BANF2: variants seen among roughly 807,000 people sequenced by gnomAD.
BANF2 encodes BANF family member 2.
Under a neutral mutation model 8.0 loss-of-function variants are expected in BANF2, and 4 were observed. The ratio of observed to expected loss-of-function variants is 0.50; its 90% CI spans 0.25 to 1.14. The LOEUF (loss-of-function observed/expected upper bound fraction) is 1.14, where lower values mean the gene tolerates loss of function less well. BANF2 is among the 50% of genes most tolerant of loss of function. BANF2 has a pLI of 0.16. For synonymous variants in BANF2, 50 were observed against 40.6 expected (o/e 1.23, Z -0.88); for missense variants, 96 against 107.5 (o/e 0.89, Z 0.47).
At chr20:17,732,395 C>T (rs2037911582) in intron 3 of BANF2, among the ~76,000 whole-genome samples, 1 of 152,236 alleles carries the variant, frequency 6.6e-6, no homozygotes, top group Non-Finnish European at 1.5e-5. Context: ...GAGACAGAGT[C>T]TCACTCTGTT....
chr20:17,719,102 A>G (rs2037694206), intron 1 of BANF2, among the ~76,000 whole-genome samples: 1 of 152,046 alleles, frequency 6.6e-6, no homozygotes. Context: ...TGCCAGGTGC[A>G]TGGTTGTTGT....
chr20:17,711,847 G>T (rs960940172), intron 1 of BANF2, among the ~76,000 whole-genome samples: 6 of 152,302 alleles, frequency 3.9e-5, no homozygotes, highest in Admixed American at 2.0e-4. Flanking sequence ...CCTGCGCATG[G>T]CACCAATGGC....
At chr20:17,727,388 C>T (rs1352481751) in intron 3 of BANF2, among the ~76,000 whole-genome samples, 26 of 152,174 alleles carry the variant, frequency 1.7e-4, no homozygotes, top group Admixed American at 1.6e-3. Flanking sequence ...ACAAGGGCTC[C>T]GAGGAGCAGT....
chr20:17,703,744 T>C lies in BANF2; in HGVS notation c.-167+3689T>C, dbSNP rs931337635. The stretch of plus-strand genomic sequence containing the variant: ...GTCTCAGGGCAAGTAGGCTGACTTT[T>C]TTTTTTTTTTTTTTTTTGACAGTGT... On this transcript the variant is annotated intron_variant, in intron 1 of 3. Coordinates refer to ENST00000246090, the MANE Select transcript of BANF2 (RefSeq NM_178477.5). 6.9e-4 allele frequency among the ~76,000 whole-genome samples: 103 copies of C among 148,944 alleles called. 1 individual carries two copies. In the East Asian group the frequency reaches 0.019, roughly 28 times the overall value.
chr20:17,733,110 G>A (rs1354529465), intron 3 of BANF2, among the ~76,000 whole-genome samples: 1 of 152,232 alleles, frequency 6.6e-6, no homozygotes, highest in African/African-American at 2.4e-5. Context: ...AGTTTGCCCA[G>A]GGTCCACATG....
intron 1 of BANF2, among the ~76,000 whole-genome samples, chr20:17,709,475 C>A (rs756453697): frequency 1.3e-5 from 2 of 152,184 alleles, no homozygotes; most frequent in Non-Finnish European, 2.9e-5. Flanking sequence ...CCTTCGATAT[C>A]CTATGAGTGG....
chr20:17,715,524 A>G (rs2037639465), intron 1 of BANF2, among the ~76,000 whole-genome samples: 1 of 152,232 alleles, frequency 6.6e-6, no homozygotes, highest in African/African-American at 2.4e-5. Context: ...CTTGTTCCCC[A>G]TTGCAGAATC....
chr20:17,723,156 C>T (rs1368075946), intron 2 of BANF2, among the ~76,000 whole-genome samples: 1 of 148,484 alleles, frequency 6.7e-6, no homozygotes, highest in Non-Finnish European at 1.5e-5. Context: ...GATTTAGGTC[C>T]CCCCAGCCCC....
intron 1 of BANF2, among the ~76,000 whole-genome samples, chr20:17,700,441 GAC>G (rs2037389944): frequency 3.3e-5 from 5 of 152,160 alleles, no homozygotes; most frequent in Admixed American, 3.3e-4. Flanking sequence ...TTGGCCAAAT[GAC>G]ACACCACATA....
At chr20:17,732,663 C>A (rs574743366) in intron 3 of BANF2, among the ~76,000 whole-genome samples, 4 of 152,144 alleles carry the variant, frequency 2.6e-5, no homozygotes, top group South Asian at 2.1e-4. Flanking sequence ...GCCGAGCCCC[C>A]CCTCTTACAG....
chr20:17,734,848 A>G (rs1467850544), intron 3 of BANF2, among the ~76,000 whole-genome samples: 1 of 152,210 alleles, frequency 6.6e-6, no homozygotes. Context: ...GCACTTTGGG[A>G]GGCCAAGGCA....
upstream of BANF2, among the ~76,000 whole-genome samples, chr20:17,699,522 C>G (rs2037380008): frequency 6.6e-6 from 1 of 152,162 alleles, no homozygotes. Flanking sequence ...GGGGGAAAGT[C>G]ACGGGTATAC....
intron 3 of BANF2, among the ~76,000 whole-genome samples, chr20:17,732,085 G>C (rs988980978): frequency 2.6e-5 from 4 of 151,844 alleles, no homozygotes; most frequent in African/African-American, 9.7e-5. Context: ...AGAAAAAAAG[G>C]AAAACTAATA....
chr20:17,722,252 C>A (rs2037743034), intron 1 of BANF2, among the ~76,000 whole-genome samples: 1 of 152,234 alleles, frequency 6.6e-6, no homozygotes, highest in South Asian at 2.1e-4. Flanking sequence ...CAAACACACA[C>A]AAGGTGTTAC....
chr20:17,694,612 T>C (rs1394551437), intron 1 of BANF2, among the ~76,000 whole-genome samples: 85 of 76,964 alleles, frequency 1.1e-3, no homozygotes, highest in African/African-American at 3.2e-3. Flanking sequence ...TTTTTTTTTT[T>C]TTTTTTTTTT....
chr20:17,733,961 G>A (rs2037939306), intron 3 of BANF2, among the ~76,000 whole-genome samples: 1 of 152,142 alleles, frequency 6.6e-6, no homozygotes, highest in Non-Finnish European at 1.5e-5. Context: ...CCTGGAAAGG[G>A]CCCAGAACTC....
chr20:17,703,223 C>A (rs2037435264), intron 1 of BANF2, among the ~76,000 whole-genome samples: 1 of 152,192 alleles, frequency 6.6e-6, no homozygotes, highest in African/African-American at 2.4e-5. Flanking sequence ...GTGTCCCCAG[C>A]CCCATTCCAA....
intron 1 of BANF2, among the ~76,000 whole-genome samples, chr20:17,702,554 C>T (rs974241921): frequency 6.6e-6 from 1 of 152,174 alleles, no homozygotes; most frequent in Admixed American, 6.5e-5. Flanking sequence ...ACCTCTGCTG[C>T]CAGTTTCCAT....
intron 1 of BANF2, among the ~76,000 whole-genome samples, chr20:17,721,880 T>C (rs2037735225): frequency 6.6e-6 from 1 of 152,214 alleles, no homozygotes; most frequent in African/African-American, 2.4e-5. Context: ...CCAGGGTTTC[T>C]TAACCTCGAT....
Sources: gnomAD v4.1 joint callset for allele counts (sites outside exome capture counted in the v4.1 genomes callset) on GRCh38, gnomAD v4.1.1 for gene constraint, MANE v1.5 for transcripts, NCBI Gene and HGNC (gene_info 2026-07-23, HGNC 2026-07-21) for gene names.